RPRD2: variants seen among roughly 807,000 people sequenced by gnomAD.
The protein encoded by RPRD2 is regulation of nuclear pre-mRNA domain-containing protein 2.
RPRD2 carries 12 observed loss-of-function variants against 104.4 expected under a neutral mutation model. The ratio of observed to expected loss-of-function variants is 0.11; its 90% CI spans 0.07 to 0.19. The LOEUF (loss-of-function observed/expected upper bound fraction) is 0.19. RPRD2 is among the 10% of genes least tolerant of loss of function. RPRD2 has a pLI of 1.00. For missense variants in RPRD2, 1,543 were observed against 1,790.1 expected (o/e 0.86, Z 2.49); for synonymous variants, 714 against 684.9 (o/e 1.04, Z -0.66).
intron 1 of RPRD2, among the ~76,000 whole-genome samples, chr1:150,382,139 C>T (rs79239881): frequency 0.034 from 5,189 of 152,198 alleles, 300 homozygotes; most frequent in African/African-American, 0.12. Context: ...TTTTTAAATT[C>T]TTCCGATTAA....
At chr1:150,400,968 A>G (rs782325902) in intron 1 of RPRD2, among the ~76,000 whole-genome samples, 48 of 151,596 alleles carry the variant, frequency 3.2e-4, no homozygotes, top group Non-Finnish European at 4.6e-4. Flanking sequence ...CGAGGTCAGG[A>G]GATCGAGACC....
chr1:150,393,695 G>T (rs1353817577), intron 1 of RPRD2, among the ~76,000 whole-genome samples: 7 of 152,068 alleles, frequency 4.6e-5, no homozygotes, highest in Non-Finnish European at 8.8e-5. Context: ...GGAAGGTAGT[G>T]GGTGGTATAC....
chr1:150,472,196 C>T lies in RPRD2; in HGVS notation c.3248C>T (p.Ala1083Val). 1.9e-6 allele frequency: 3 copies of T among 1,613,926 alleles called. No homozygotes were observed. The highest frequency in any genetic ancestry group is 2.2e-5 in the East Asian group (1 of 44,866). Residue 1083 changes from alanine to valine, a missense_variant, in exon 11 of 11, where the codon GCC becomes GTC. Ala to Val is a moderately conservative substitution (Grantham distance 64). Transcript: ENST00000369068. ...CCTGATAGCACAGAAGAAAAGGGGG[C>T]CCCTATAGAAACCTTGGGTTATCAC... ...DLPDSTEEKG[A>V]PIETLGYHSA...
chr1:150,377,627 A>G (rs1000461373), intron 1 of RPRD2, among the ~76,000 whole-genome samples: 4 of 152,140 alleles, frequency 2.6e-5, no homozygotes, highest in Admixed American at 2.6e-4. Context: ...TTAGTAAGTA[A>G]GATAGGAATT....
At chr1:150,426,844 C>T (rs947369014) in intron 2 of RPRD2, among the ~76,000 whole-genome samples, 33 of 152,126 alleles carry the variant, frequency 2.2e-4, no homozygotes, top group Non-Finnish European at 1.5e-4. Context: ...TTTAATTGTA[C>T]ACTTGAAAAT....
intron 1 of RPRD2, among the ~76,000 whole-genome samples, chr1:150,401,810 A>AT (rs1296206785): frequency 1.3e-5 from 2 of 150,776 alleles, no homozygotes; most frequent in Admixed American, 1.3e-4. Flanking sequence ...CGCCCGGCTA[A>AT]TTTTTTGTAT....
chr1:150,448,874 T>C (rs1321396576), intron 7 of RPRD2, among the ~76,000 whole-genome samples: 3 of 152,192 alleles, frequency 2.0e-5, no homozygotes, highest in African/African-American at 7.2e-5. Flanking sequence ...TTCCATGTCT[T>C]TTTTTCTTGG....
chr1:150,384,267 G>C (rs1009029867), intron 1 of RPRD2, among the ~76,000 whole-genome samples: 1 of 151,878 alleles, frequency 6.6e-6, no homozygotes, highest in Non-Finnish European at 1.5e-5. Context: ...ATTTATATTT[G>C]TATACAGTAA....
At chr1:150,445,293 A>G (rs587679686) in intron 6 of RPRD2, among the ~76,000 whole-genome samples, 1 of 152,334 alleles carries the variant, frequency 6.6e-6, no homozygotes, top group South Asian at 2.1e-4. Context: ...GAGGTCTTGT[A>G]AGGAGATTAG....
chr1:150,373,116 C>G (rs76109198), intron 1 of RPRD2, among the ~76,000 whole-genome samples: 1 of 151,688 alleles, frequency 6.6e-6, no homozygotes, highest in Non-Finnish European at 1.5e-5. Flanking sequence ...CGGGTTCAAG[C>G]GATTCTCCTG....
rs781885418 is a variant in RPRD2 at position 150,457,393 on chromosome 1, A to G, written c.976A>G (p.Met326Val). Reference protein sequence around the residue: ...PEESPVPSPSMDAPSPTGSES... With the variant: ...PEESPVPSPSVDAPSPTGSES... ...AGAATCACCAGTTCCTTCCCCAAGC[A>G]TGGACGCTCCCTCCCCGACTGGTTC... Residue 326 changes from methionine (M) to valine (V), a missense_variant, in exon 8 of 11, where the codon ATG becomes GTG. Around this residue, in one of 4 missense-constraint regions of RPRD2, gnomAD observed 572 missense variants for 787.3 expected, o/e 0.73. Transcript: ENST00000369068. The G allele has an allele frequency of 1.3e-5, 21 of 1,613,734 alleles. No individual in the cohort carries two copies. The highest frequency in any genetic ancestry group is 4.0e-5 in the African/African-American group (3 of 74,920).
chr1:150,447,334 CTT>C (rs34565214), intron 7 of RPRD2, among the ~76,000 whole-genome samples: 90 of 136,096 alleles, frequency 6.6e-4, no homozygotes, highest in Middle Eastern at 3.8e-3. Flanking sequence ...AATTAAGGAA[CTT>C]TTTTTTTTTT....
intron 1 of RPRD2, among the ~76,000 whole-genome samples, chr1:150,383,122 G>T (rs1381229895): frequency 1.3e-5 from 2 of 151,170 alleles, no homozygotes; most frequent in Admixed American, 6.6e-5. Context: ...GCCTCCTGAG[G>T]TGCTAGGACT....
chr1:150,447,064 A>C (rs1331865984), intron 7 of RPRD2, among the ~76,000 whole-genome samples: 4 of 151,286 alleles, frequency 2.6e-5, no homozygotes, highest in Admixed American at 2.6e-4. Flanking sequence ...TCAAACTCCA[A>C]CCTCGGGTGA....
rs7002 is a variant in RPRD2, at chr1:150,473,343, A to G, written c.*9A>G. On this transcript the variant is annotated 3_prime_UTR_variant, in exon 11 of 11. Transcript: ENST00000369068. ...TCCCTCCCAGGTACTGATGGAAACC[A>G]AGGGAAAGGCATTTTGAACAGTCTA... 0.37 allele frequency: 594,859 copies of G among 1,593,232 alleles called. 116,780 individuals carry two copies. The highest frequency in any genetic ancestry group is 0.41 in the Middle Eastern group (2,038 of 5,022).
intron 1 of RPRD2, among the ~76,000 whole-genome samples, chr1:150,414,828 G>A (rs1664217879): frequency 6.6e-6 from 1 of 152,116 alleles, no homozygotes; most frequent in Non-Finnish European, 1.5e-5. Flanking sequence ...TATAATTATG[G>A]AGTTAATGGG....
chr1:150,379,412 T>A (rs1560150136), intron 1 of RPRD2, among the ~76,000 whole-genome samples: 1 of 151,842 alleles, frequency 6.6e-6, no homozygotes, highest in Non-Finnish European at 1.5e-5. Context: ...ATTTACGTAT[T>A]TTTTTTTGAG....
At chr1:150,394,545 A>G (rs1441245273) in intron 1 of RPRD2, among the ~76,000 whole-genome samples, 1 of 152,196 alleles carries the variant, frequency 6.6e-6, no homozygotes, top group Non-Finnish European at 1.5e-5. Flanking sequence ...TGTAGGTAAA[A>G]TATAGGAATG....
intron 2 of RPRD2, among the ~76,000 whole-genome samples, chr1:150,424,240 A>C (rs1366625225): frequency 6.6e-6 from 1 of 152,094 alleles, no homozygotes; most frequent in Non-Finnish European, 1.5e-5. Flanking sequence ...TTGCTATATA[A>C]ATGGTAACTA....
Sources: allele counts gnomAD v4.1 joint callset (sites outside exome capture counted in the v4.1 genomes callset), GRCh38; gene constraint gnomAD v4.1.1; regional missense constraint gnomAD v4.1.1; transcripts MANE v1.5; gene names NCBI Gene and HGNC (gene_info 2026-07-23, HGNC 2026-07-21).